RGPD1: variants seen among roughly 807,000 people sequenced by gnomAD.
RGPD1 encodes the protein RANBP2-like and GRIP domain-containing protein 1.
Under a neutral mutation model 40.6 loss-of-function variants are expected in RGPD1, and 7 were observed. The ratio of observed to expected loss-of-function variants is 0.17; its 90% CI spans 0.10 to 0.32. The LOEUF (loss-of-function observed/expected upper bound fraction) is 0.32, where lower values mean the gene tolerates loss of function less well. Among genes scored for constraint, RGPD1 ranks in the 10% least tolerant of loss-of-function variants. The pLI is 1.00. For missense variants in RGPD1, 50 were observed against 472.5 expected (o/e 0.11, Z 8.29); for synonymous variants, 24 against 167.0 (o/e 0.14, Z 6.60).
chr2:86,925,543 C>T (rs376612350), intron 1 of RGPD1, among the ~76,000 whole-genome samples: 1 of 152,204 alleles, frequency 6.6e-6, no homozygotes, highest in Admixed American at 6.5e-5. Flanking sequence ...TTTGGGATTA[C>T]AGGCATGAGC....
chr2:86,941,317 T>TA (rs1679728630), upstream of RGPD1, among the ~76,000 whole-genome samples: 1 of 150,114 alleles, frequency 6.7e-6, no homozygotes. Context: ...TTTACATTAT[T>TA]ACTGTTAAAT....
At chr2:86,918,482 CAG>C (rs367982312) in intron 1 of RGPD1, among the ~76,000 whole-genome samples, 1 of 100,140 alleles carries the variant, frequency 1.0e-5, no homozygotes, top group Non-Finnish European at 1.8e-5. Flanking sequence ...TTTTTTGAGA[CAG>C]AATGTTGCTC....
At chr2:86,944,564 CT>C (rs2104775729) in intron 1 of RGPD1, among the ~76,000 whole-genome samples, 1 of 152,078 alleles carries the variant, frequency 6.6e-6, no homozygotes, top group African/African-American at 2.4e-5. Context: ...ACCACACCTG[CT>C]GTTTTGTTCT....
intron 1 of RGPD1, among the ~76,000 whole-genome samples, chr2:86,931,158 G>A (rs1390022815): frequency 3.5e-5 from 5 of 141,656 alleles, no homozygotes; most frequent in South Asian, 4.6e-4. Context: ...TGATATACTC[G>A]TCAAGCAGTT....
intron 1 of RGPD1, among the ~76,000 whole-genome samples, chr2:86,943,285 C>T (rs1315112416): frequency 8.7e-6 from 1 of 114,614 alleles, no homozygotes; most frequent in African/African-American, 3.3e-5. Context: ...CCCCCCCCCA[C>T]CCCGCCCAGA....
At chr2:86,913,829 G>A (rs748875244) in exon 1 of RGPD1, 8 of 1,563,262 alleles carry the variant, frequency 5.1e-6, no homozygotes, top group Admixed American at 1.8e-5. Context: ...CACGCGTCTC[G>A]GGAGCCAGGT....
chr2:87,000,182 A>G (rs1681924724), intron 22 of RGPD1, among the ~76,000 whole-genome samples: 1 of 129,578 alleles, frequency 7.7e-6, no homozygotes. Flanking sequence ...CAGAAATCTC[A>G]AAATTATAAC....
chr2:86,943,323 A>G (rs1680064821), intron 1 of RGPD1, among the ~76,000 whole-genome samples: 1 of 135,362 alleles, frequency 7.4e-6, no homozygotes, highest in South Asian at 2.3e-4. Context: ...TTTGCTTAAA[A>G]AAAAAAAAAT....
chr2:86,913,844 G>C, exon 1 of RGPD1: 2 of 1,574,836 alleles, frequency 1.3e-6, no homozygotes, highest in Non-Finnish European at 1.7e-6. Context: ...CCAGGTTGGC[G>C]GTGCGATGAG....
chr2:86,939,578 C>CAAAA (rs560720648), upstream of RGPD1, among the ~76,000 whole-genome samples: 2 of 74,874 alleles, frequency 2.7e-5, no homozygotes, highest in Admixed American at 1.4e-4. Flanking sequence ...AACTCCGTCT[C>CAAAA]AAAAAAAAAA....
At chr2:86,954,737 A>G (rs2104795691) in intron 4 of RGPD1, among the ~76,000 whole-genome samples, 1 of 149,926 alleles carries the variant, frequency 6.7e-6, no homozygotes, top group South Asian at 2.2e-4. Flanking sequence ...TATCAAAATC[A>G]GGAATTTTGA....
upstream of RGPD1, chr2:86,913,678 T>G (rs919957580): frequency 7.6e-7 from 1 of 1,316,612 alleles, no homozygotes; most frequent in African/African-American, 1.5e-5. Context: ...CGAGTGCAGC[T>G]GGAGCGCCGA....
chr2:86,919,780 T>C, intron 1 of RGPD1, among the ~76,000 whole-genome samples: 1 of 135,708 alleles, frequency 7.4e-6, no homozygotes, highest in Non-Finnish European at 1.5e-5. Flanking sequence ...AAATATAATA[T>C]ACTGTATGTT....
At position 86,922,843 on chromosome 2, in the gene RGPD1, A is replaced by G. The variant is rs1385953814; in HGVS notation, c.72+8922A>G. On this transcript the variant is annotated intron_variant, in intron 1 of 22. Transcript: ENST00000398193. ...CTGAATAGCAATTATTTTGAAGAGTAGGATCTGTTACATTTTCTATGGTCT... is the reference window on the plus strand; with the variant it reads ...CTGAATAGCAATTATTTTGAAGAGTGGGATCTGTTACATTTTCTATGGTCT... Among the ~76,000 whole-genome samples, 8 of 121,692 alleles carry G rather than the reference A, an allele frequency of 6.6e-5. No individual in the cohort carries two copies. The East Asian group carries it at 1.3e-3, about 20-fold the overall frequency. The allele number at this position is 121,692 out of a possible 152,430, so 79.8% of individuals were successfully genotyped here. A position where few individuals can be genotyped will look rare whatever the true frequency, so the allele number is the denominator to read the frequency against.
intron 22 of RGPD1, among the ~76,000 whole-genome samples, chr2:87,000,129 T>C (rs1455850166): frequency 1.7e-5 from 2 of 117,220 alleles, no homozygotes; most frequent in Admixed American, 7.8e-5. Flanking sequence ...AGAAATCTAC[T>C]TCTAGTCACC....
chr2:86,939,308 G>A (rs1048347198), upstream of RGPD1, among the ~76,000 whole-genome samples: 5 of 146,950 alleles, frequency 3.4e-5, no homozygotes, highest in South Asian at 8.5e-4. Context: ...GGGCACGGTG[G>A]ATGCCGGGCA....
chr2:86,930,569 G>A (rs1015080442), intron 1 of RGPD1: 10 of 1,609,912 alleles, frequency 6.2e-6, no homozygotes, highest in African/African-American at 2.7e-5. Context: ...GGACAGTCCA[G>A]AGCAGCCAGA....
At chr2:86,926,032 G>A (rs1203414365) in intron 1 of RGPD1, among the ~76,000 whole-genome samples, 4 of 152,274 alleles carry the variant, frequency 2.6e-5, no homozygotes, top group Admixed American at 2.0e-4. Context: ...AAATAAACTT[G>A]TGGCTATGTA....
upstream of RGPD1, among the ~76,000 whole-genome samples, chr2:86,941,861 C>T (rs1388730428): frequency 1.3e-5 from 2 of 151,548 alleles, no homozygotes; most frequent in Non-Finnish European, 2.9e-5. Context: ...CAGGGGCCCA[C>T]CTCCACGCCC....
Sources: allele counts gnomAD v4.1 joint callset (sites outside exome capture counted in the v4.1 genomes callset), GRCh38; gene constraint gnomAD v4.1.1; transcripts MANE v1.5; gene names NCBI Gene and HGNC (gene_info 2026-07-23, HGNC 2026-07-21).